Variants in NIBAN1 observed in about 807,000 individuals in gnomAD.
NIBAN1 encodes the protein protein Niban 1.
Under a neutral mutation model 75.1 loss-of-function variants are expected in NIBAN1, and 81 were observed. The ratio of observed to expected loss-of-function variants is 1.08; its 90% confidence interval spans 0.90 to 1.30. The LOEUF (loss-of-function observed/expected upper bound fraction) is 1.30. NIBAN1 is among the 50% of genes most tolerant of loss of function. The pLI is 0.00. For synonymous variants in NIBAN1, 436 were observed against 424.8 expected, an observed-to-expected ratio of 1.03 and a Z score of -0.32; for missense variants, 1,133 against 1,128.1, an observed-to-expected ratio of 1.00 and a Z score of -0.06.
At chr1:184,839,054 A>G (rs1230924361) in intron 5 of NIBAN1, among the ~76,000 whole-genome samples, 1 of 152,134 alleles carries the variant, frequency 6.6e-6, no homozygotes, top group Non-Finnish European at 1.5e-5. Flanking sequence ...GGGGAAGGTA[A>G]TCAACACTTA....
chr1:184,933,791 C>T (rs1228403168), intron 1 of NIBAN1, among the ~76,000 whole-genome samples: 1 of 152,188 alleles, frequency 6.6e-6, no homozygotes, highest in Non-Finnish European at 1.5e-5. Context: ...TACAGTCTAA[C>T]ATAAGTTTCA....
chr1:184,952,111 AATAG>A (rs1157837167), intron 1 of NIBAN1, among the ~76,000 whole-genome samples: 1 of 152,240 alleles, frequency 6.6e-6, no homozygotes, highest in Non-Finnish European at 1.5e-5. Context: ...TATTATAAGA[AATAG>A]ATAGGCCAGG....
intron 1 of NIBAN1, among the ~76,000 whole-genome samples, chr1:184,964,400 G>A (rs1658726079): frequency 6.6e-6 from 1 of 152,214 alleles, no homozygotes; most frequent in South Asian, 2.1e-4. Context: ...CAGATGAAAG[G>A]AGCAATGACT....
intron 5 of NIBAN1, among the ~76,000 whole-genome samples, chr1:184,869,592 G>T (rs1204275982): frequency 1.3e-5 from 2 of 151,586 alleles, no homozygotes; most frequent in African/African-American, 4.9e-5. Context: ...TCCCAAGCCG[G>T]AGTGCAGTGG....
At chr1:184,917,493 G>A (rs963431718) in intron 1 of NIBAN1, among the ~76,000 whole-genome samples, 2 of 150,950 alleles carry the variant, frequency 1.3e-5, no homozygotes, top group Non-Finnish European at 2.9e-5. Flanking sequence ...ACAGGCGTGA[G>A]CCACCCTGCC....
chr1:184,829,159 C>T (rs182522485), intron 6 of NIBAN1, among the ~76,000 whole-genome samples: 1 of 152,098 alleles, frequency 6.6e-6, no homozygotes, highest in East Asian at 1.9e-4. Context: ...CTCTTTTCTG[C>T]TTTTTTTGTT....
intron 5 of NIBAN1, among the ~76,000 whole-genome samples, chr1:184,866,405 T>G (rs1184665590): frequency 6.6e-6 from 1 of 152,182 alleles, no homozygotes; most frequent in African/African-American, 2.4e-5. Flanking sequence ...TTCTAAGGGC[T>G]GAAAGATGCA....
At chr1:184,915,678 T>C (rs1270550124) in intron 1 of NIBAN1, among the ~76,000 whole-genome samples, 1 of 152,186 alleles carries the variant, frequency 6.6e-6, no homozygotes, top group African/African-American at 2.4e-5. Flanking sequence ...TGAAATCTAG[T>C]GAAGGAACTT....
intron 5 of NIBAN1, among the ~76,000 whole-genome samples, chr1:184,837,136 GAACTTC>G (rs1466878519): frequency 6.6e-6 from 1 of 152,180 alleles, no homozygotes; most frequent in Non-Finnish European, 1.5e-5. Flanking sequence ...GTTATTTTAT[GAACTTC>G]CTGCCACAGA....
rs571257414 is a variant in NIBAN1, at chr1:184,817,482, CCCG to C, written c.1173+1153_1173+1155del. On this transcript the variant is annotated intron_variant, in intron 9 of 13. Coordinates refer to ENST00000367511, the MANE Select transcript of NIBAN1 (RefSeq NM_052966.4). Reference sequence around the variant, plus strand: ...CACAATGGTTGAACAAGTTTACACTCCCGCCGACAGTGTAAAAGCATTCCTATT... The same window carrying C: ...CACAATGGTTGAACAAGTTTACACTCCCGACAGTGTAAAAGCATTCCTATT... Among the ~76,000 whole-genome samples the C allele has an allele frequency of 1.9e-3, 295 of 152,312 alleles. 3 individuals carry two copies. Among genetic ancestry groups the C allele is most frequent in the African/African-American group, 6.9e-3 (287 of 41,566 alleles).
chr1:184,946,023 C>T (rs1658216182), intron 1 of NIBAN1, among the ~76,000 whole-genome samples: 1 of 151,672 alleles, frequency 6.6e-6, no homozygotes, highest in Non-Finnish European at 1.5e-5. Context: ...AAGAGGGGCT[C>T]CTCAAGAACA....
intron 1 of NIBAN1, among the ~76,000 whole-genome samples, chr1:184,939,127 A>G (rs1050292970): frequency 5.3e-5 from 8 of 152,252 alleles, no homozygotes; most frequent in Non-Finnish European, 1.0e-4. Context: ...GCTACTATGC[A>G]CAAATGTACT....
chr1:184,816,690 T>A (rs946203785), intron 9 of NIBAN1, among the ~76,000 whole-genome samples: 2 of 152,086 alleles, frequency 1.3e-5, no homozygotes, highest in Non-Finnish European at 2.9e-5. Context: ...TGTTCCAGCA[T>A]AAGAAGGTAC....
chr1:184,807,016 C>T (rs530509643), intron 10 of NIBAN1, among the ~76,000 whole-genome samples: 10 of 152,210 alleles, frequency 6.6e-5, no homozygotes, highest in African/African-American at 2.2e-4. Flanking sequence ...GTGATCCACC[C>T]GCCTCGGTCT....
At chr1:184,801,830 G>T (rs188111325) in intron 12 of NIBAN1, among the ~76,000 whole-genome samples, 2 of 152,252 alleles carry the variant, frequency 1.3e-5, no homozygotes, top group Non-Finnish European at 2.9e-5. Context: ...AAATAATTCT[G>T]TGGGAAGGAG....
intron 12 of NIBAN1, among the ~76,000 whole-genome samples, chr1:184,800,074 G>A (rs1340935097): frequency 7.8e-6 from 1 of 127,646 alleles, no homozygotes; most frequent in African/African-American, 3.4e-5. Context: ...GTGTGAGATG[G>A]TATCTCATTG....
intron 1 of NIBAN1, among the ~76,000 whole-genome samples, chr1:184,969,740 C>T (rs1259554567): frequency 6.6e-6 from 1 of 151,174 alleles, no homozygotes; most frequent in Non-Finnish European, 1.5e-5. Context: ...TCATGTTGCC[C>T]AGGCTGGTCT....
chr1:184,797,329 A>G (rs987984252), intron 13 of NIBAN1, among the ~76,000 whole-genome samples: 1 of 151,654 alleles, frequency 6.6e-6, no homozygotes, highest in African/African-American at 2.4e-5. Context: ...TTTAGTAGAG[A>G]TGGAGTTTCA....
Position 184,793,334 on chromosome 1 carries a change from T to C in NIBAN1, c.*1643A>G, listed in dbSNP as rs1653746153. ...ACTTTGGGAAGTCGAGGTGGGTGGA[T>C]CGCTTGAAATCAGGAGTTTGAGACC... On this transcript the variant is annotated 3_prime_UTR_variant, in exon 14 of 14. Transcript: ENST00000367511. The C allele has an allele frequency of 6.6e-6, 1 of 152,118 alleles. No homozygotes were observed. Among genetic ancestry groups the C allele is most frequent in the South Asian group, 2.1e-4 (1 of 4,818 alleles). 9.4% of individuals were successfully genotyped at this position (152,118 alleles called of 1,614,324 possible). A position where few individuals can be genotyped will look rare whatever the true frequency, so the allele number is the denominator to read the frequency against.
Sources: gnomAD v4.1 joint callset for allele counts (sites outside exome capture counted in the v4.1 genomes callset) on GRCh38, gnomAD v4.1.1 for gene constraint, MANE v1.5 for transcripts, NCBI Gene and HGNC (gene_info 2026-07-23, HGNC 2026-07-21) for gene names.